FRMD5: variants seen among roughly 807,000 people sequenced by gnomAD.
The protein encoded by FRMD5 is FERM domain containing 5.
Under a neutral mutation model 69.0 loss-of-function variants are expected in FRMD5, and 20 were observed. The observed-to-expected ratio is 0.29, with a 90% CI of 0.20 to 0.42. FRMD5 has a LOEUF of 0.42. Among genes scored for constraint, FRMD5 ranks in the 10% least tolerant of loss-of-function variants. The pLI is 1.00. For synonymous variants in FRMD5, 271 were observed against 260.1 expected (o/e 1.04, Z -0.40); for missense variants, 595 against 708.6 (o/e 0.84, Z 1.82).
intron 1 of FRMD5, among the ~76,000 whole-genome samples, chr15:44,109,020 T>TA (rs59924689): frequency 7.0e-4 from 100 of 143,032 alleles, no homozygotes; most frequent in African/African-American, 2.9e-3. Context: ...TAAAATAAAA[T>TA]GTTTGCCAAT....
intron 6 of FRMD5, among the ~76,000 whole-genome samples, chr15:43,903,889 G>T (rs1450004396): frequency 2.0e-5 from 3 of 152,218 alleles, no homozygotes; most frequent in African/African-American, 7.2e-5. Flanking sequence ...GCACATCCCT[G>T]ATCTCTTTGA....
chr15:43,873,348 C>T lies in FRMD5; in HGVS notation c.*537G>A, dbSNP rs949853347. 5 of 1,462,096 alleles carry T rather than the reference C, an allele frequency of 3.4e-6. No individual in the cohort carries two copies. Among genetic ancestry groups the T allele is most frequent in the Non-Finnish European group, 4.5e-6 (5 of 1,109,056 alleles). The allele number at this position is 1,462,096 out of a possible 1,614,324, so 90.6% of individuals were successfully genotyped here. On this transcript the variant is annotated 3_prime_UTR_variant, in exon 14 of 14. Coordinates refer to ENST00000417257, the MANE Select transcript of FRMD5 (RefSeq NM_032892.5). ...TAAAAGTTCTGGCTGGCAAAAAAAA[C>T]AAACAAAAAACTAAACAGTCCCCAT...
chr15:44,183,251 G>GC (rs918390730), intron 1 of FRMD5, among the ~76,000 whole-genome samples: 1 of 123,100 alleles, frequency 8.1e-6, no homozygotes, highest in African/African-American at 5.1e-5. Context: ...ATGCTGGAAA[G>GC]GGGGGTAGCA....
At chr15:44,113,060 G>A (rs1260018643) in intron 1 of FRMD5, among the ~76,000 whole-genome samples, 1 of 152,134 alleles carries the variant, frequency 6.6e-6, no homozygotes, top group Non-Finnish European at 1.5e-5. Context: ...TTTAACTTTT[G>A]CCCTTCTATC....
intron 1 of FRMD5, 61 bp downstream of exon 1, chr15:44,194,892 G>A (rs1375407974): frequency 7.0e-7 from 1 of 1,418,978 alleles, no homozygotes. Context: ...CGCCGGCCAA[G>A]TTGACCAGAC....
intron 1 of FRMD5, among the ~76,000 whole-genome samples, chr15:44,189,614 G>A (rs376220652): frequency 1.3e-4 from 20 of 151,386 alleles, no homozygotes; most frequent in African/African-American, 3.9e-4. Flanking sequence ...TCAGCCTCCC[G>A]AGCAGCTGGG....
intron 1 of FRMD5, among the ~76,000 whole-genome samples, chr15:44,117,813 G>A (rs2076891099): frequency 6.6e-6 from 1 of 152,042 alleles, no homozygotes; most frequent in African/African-American, 2.4e-5. Context: ...CTTTGTCCAA[G>A]ATACTTATAA....
At chr15:44,026,792 A>G (rs1566906455) in intron 1 of FRMD5, among the ~76,000 whole-genome samples, 1 of 152,202 alleles carries the variant, frequency 6.6e-6, no homozygotes, top group South Asian at 2.1e-4. Flanking sequence ...AAAAGCTACT[A>G]TATTTTTCTT....
At chr15:44,117,643 C>G (rs1386510007) in intron 1 of FRMD5, among the ~76,000 whole-genome samples, 1 of 152,160 alleles carries the variant, frequency 6.6e-6, no homozygotes, top group African/African-American at 2.4e-5. Flanking sequence ...CTTTTAAATT[C>G]CTTCTGGATG....
chr15:44,072,933 C>T (rs181321092), intron 1 of FRMD5, among the ~76,000 whole-genome samples: 1 of 152,240 alleles, frequency 6.6e-6, no homozygotes, highest in African/African-American at 2.4e-5. Flanking sequence ...AGTTCAAGAC[C>T]AACCTGGGCA....
intron 1 of FRMD5, among the ~76,000 whole-genome samples, chr15:44,141,987 C>CT: frequency 6.6e-6 from 1 of 152,220 alleles, no homozygotes; most frequent in East Asian, 1.9e-4. Context: ...TTAAATTAGG[C>CT]TTGTTGTCCT....
intron 1 of FRMD5, among the ~76,000 whole-genome samples, chr15:44,034,275 T>C (rs1241247038): frequency 6.6e-6 from 1 of 152,260 alleles, no homozygotes; most frequent in Non-Finnish European, 1.5e-5. Context: ...AAAAGTTTAC[T>C]AATCACACAG....
At chr15:43,927,252 T>C (rs895357925) in intron 1 of FRMD5, among the ~76,000 whole-genome samples, 3 of 152,208 alleles carry the variant, frequency 2.0e-5, no homozygotes, top group African/African-American at 7.2e-5. Context: ...CCAGGTGGGG[T>C]GGAGGTCTCA....
At chr15:43,875,390 A>ATATATATATATATATGTATG (rs1385798025) in intron 13 of FRMD5, among the ~76,000 whole-genome samples, 1 of 124,836 alleles carries the variant, frequency 8.0e-6, no homozygotes, top group African/African-American at 3.4e-5. Context: ...ATATATATAT[A>ATATATATATATATATGTATG]TATGTATGTA....
intron 1 of FRMD5, among the ~76,000 whole-genome samples, chr15:44,046,016 T>C (rs182057568): frequency 2.7e-4 from 41 of 152,252 alleles, no homozygotes; most frequent in Admixed American, 2.6e-3. Context: ...CACTGAAATG[T>C]TACTTTAAAC....
chr15:43,898,072 A>G (rs182399801), intron 7 of FRMD5, among the ~76,000 whole-genome samples: 1 of 152,350 alleles, frequency 6.6e-6, no homozygotes, highest in East Asian at 1.9e-4. Flanking sequence ...TCTTTATAGC[A>G]GTGTGAAAAT....
Position 43,993,984 on chromosome 15 carries a change from G to A in FRMD5, c.103-69675C>T, listed in dbSNP as rs527363492. 6.6e-5 allele frequency among the ~76,000 whole-genome samples: 10 copies of A among 152,288 alleles called. No homozygotes were observed. In the South Asian group the frequency reaches 1.9e-3, roughly 28 times the overall value. ...ATGTGTGTCCTTAATGGTGAAATGA[G>A]TGTCTTGTAGGAAGCATATAGTTGG... On this transcript the variant is annotated intron_variant, in intron 1 of 13. Transcript: ENST00000417257.
At chr15:44,194,715 T>G in intron 1 of FRMD5, 1 of 617,616 alleles carries the variant, frequency 1.6e-6, no homozygotes, top group Non-Finnish European at 2.9e-6. Flanking sequence ...GGGTAGGACT[T>G]AGGGGTGTGG....
intron 1 of FRMD5, among the ~76,000 whole-genome samples, chr15:44,190,990 T>G (rs1879270110): frequency 6.6e-6 from 1 of 152,200 alleles, no homozygotes; most frequent in Admixed American, 6.5e-5. Flanking sequence ...AGCTACTAAG[T>G]GGTTGAGCCA....
Sources: allele counts gnomAD v4.1 joint callset (sites outside exome capture counted in the v4.1 genomes callset), GRCh38; gene constraint gnomAD v4.1.1; transcripts MANE v1.5; gene names NCBI Gene and HGNC (gene_info 2026-07-23, HGNC 2026-07-21).